Variants in C20orf203 observed in about 807,000 individuals in gnomAD.
C20orf203 encodes chromosome 20 open reading frame 203.
Under a neutral mutation model 15.9 loss-of-function variants are expected in C20orf203, and 16 were observed. That is an observed-to-expected ratio of 1.01 (90% CI 0.68 to 1.53). C20orf203 has a LOEUF of 1.53. C20orf203 is among the 40% of genes most tolerant of loss of function. C20orf203 has a pLI of 0.00. For missense variants in C20orf203, 263 were observed against 247.5 expected (o/e 1.06, Z -0.42); for synonymous variants, 98 against 97.2 (o/e 1.01, Z -0.05).
At chr20:32,634,427 C>G (rs1342755635) in intron 5 of C20orf203, among the ~76,000 whole-genome samples, 157 bp from the exon 6 acceptor site, 1 of 152,238 alleles carries the variant, frequency 6.6e-6, no homozygotes, top group African/African-American at 2.4e-5. Context: ...GGTGTGGACG[C>G]GTGGCTCTAG....
intron 1 of C20orf203, among the ~76,000 whole-genome samples, chr20:32,653,320 T>C (rs996231214): frequency 1.3e-5 from 2 of 152,136 alleles, no homozygotes; most frequent in Admixed American, 6.5e-5. Context: ...CCAATGCTTT[T>C]TTTTAGGGGG....
intron 1 of C20orf203, among the ~76,000 whole-genome samples, chr20:32,654,705 G>A (rs1272412425): frequency 6.6e-6 from 1 of 152,156 alleles, no homozygotes; most frequent in African/African-American, 2.4e-5. Flanking sequence ...TTAGCTGGGT[G>A]TGGTGGCATG....
intron 1 of C20orf203, among the ~76,000 whole-genome samples, chr20:32,667,696 A>G (rs1983067477): frequency 6.6e-6 from 1 of 152,172 alleles, no homozygotes; most frequent in Non-Finnish European, 1.5e-5. Flanking sequence ...TTTTAGACAG[A>G]GTCTTGCTCT....
chr20:32,670,480 C>G (rs577583005), intron 1 of C20orf203, among the ~76,000 whole-genome samples: 1 of 151,816 alleles, frequency 6.6e-6, no homozygotes. Flanking sequence ...GCACTCCAGC[C>G]TGGGTGACAG....
chr20:32,639,230 C>G (rs568152453), intron 5 of C20orf203, among the ~76,000 whole-genome samples: 2 of 152,374 alleles, frequency 1.3e-5, no homozygotes, highest in South Asian at 4.1e-4. Context: ...TGAAAACAAT[C>G]CTTGCTCTTT....
At chr20:32,653,686 T>C (rs1160039629) in intron 1 of C20orf203, among the ~76,000 whole-genome samples, 1 of 152,184 alleles carries the variant, frequency 6.6e-6, no homozygotes, top group Non-Finnish European at 1.5e-5. Flanking sequence ...CAAAGTTGAA[T>C]TCACGACTTG....
intron 1 of C20orf203, among the ~76,000 whole-genome samples, chr20:32,667,135 G>A (rs1983056282): frequency 6.6e-6 from 1 of 152,108 alleles, no homozygotes; most frequent in Admixed American, 6.6e-5. Flanking sequence ...ACTGGCTGGG[G>A]CTGCACTGGG....
At chr20:32,656,953 G>A (rs572092283) in intron 1 of C20orf203, 1 of 152,166 alleles carries the variant, frequency 6.6e-6, no homozygotes, top group African/African-American at 2.4e-5. Context: ...GCTGATGAAT[G>A]GATAAATGAA....
intron 5 of C20orf203, among the ~76,000 whole-genome samples, chr20:32,638,139 TG>T (rs1172452995): frequency 6.6e-6 from 1 of 152,046 alleles, no homozygotes; most frequent in Non-Finnish European, 1.5e-5. Context: ...ACCTGGCATT[TG>T]GGGGTGGGTT....
chr20:32,634,755 A>G (rs1442157378), intron 5 of C20orf203, among the ~76,000 whole-genome samples: 4 of 152,184 alleles, frequency 2.6e-5, no homozygotes, highest in Admixed American at 2.6e-4. Context: ...AACTGTAGGT[A>G]AAAGACAGCA....
At chr20:32,665,324 CACCTGACAGGGAGCAGGT>C (rs1982992334) in intron 1 of C20orf203, among the ~76,000 whole-genome samples, 1 of 152,258 alleles carries the variant, frequency 6.6e-6, no homozygotes. Context: ...CTCCTCCAGA[CACCTGACAGGGAGCAGGT>C]GGCCTTTTTG....
At position 32,650,861 on chromosome 20, in the gene C20orf203, T is replaced by C; in HGVS notation, c.156A>G (p.Gly52=). The part of the protein sequence containing the change: ...MLSRATSVLA[G]LTAHLWDLGG... ...CAAGGTCCCAGAGGTGGGCAGTGAGTCCAGCCAAGACTGATGTGGCCTGTT... is the reference window on the plus strand; with the variant it reads ...CAAGGTCCCAGAGGTGGGCAGTGAGCCCAGCCAAGACTGATGTGGCCTGTT... Residue 52 remains glycine (G), a synonymous_variant, in exon 4 of 6, where the codon GGA becomes GGG. Coordinates refer to ENST00000608990, the MANE Select transcript of C20orf203 (RefSeq NM_182584.4). The C allele has an allele frequency of 6.9e-7, 1 of 1,459,794 alleles. No individual in the cohort carries two copies. The highest frequency in any genetic ancestry group is 9.1e-7 in the Non-Finnish European group (1 of 1,103,992). 90.4% of individuals were successfully genotyped at this position (1,459,794 alleles called of 1,614,324 possible).
chr20:32,660,374 C>G (rs11697988), intron 1 of C20orf203, among the ~76,000 whole-genome samples: 43,723 of 152,088 alleles, frequency 0.29, 6,834 homozygotes, highest in Middle Eastern at 0.37. Context: ...GCCTCCTCAG[C>G]CAGTCCAGGC....
chr20:32,635,388 A>G (rs950296743), intron 5 of C20orf203, among the ~76,000 whole-genome samples: 5 of 151,900 alleles, frequency 3.3e-5, no homozygotes, highest in Non-Finnish European at 7.4e-5. Context: ...AATCCCAGCT[A>G]CTCGGGAGGC....
At chr20:32,643,142 C>A (rs1301625241) in intron 4 of C20orf203, among the ~76,000 whole-genome samples, 1 of 152,148 alleles carries the variant, frequency 6.6e-6, no homozygotes, top group African/African-American at 2.4e-5. Context: ...GAGGCAGCTC[C>A]AAGAACCTGT....
At position 32,633,067 on chromosome 20, in the gene C20orf203, C is replaced by T. The variant is rs1305941017; in HGVS notation, c.*2503G>A. ...GAGAACAGCATGGGGGAAACTGCCA[C>T]CATTATTCAATTATCTCTACTTGGT... On this transcript the variant is annotated 3_prime_UTR_variant, in exon 6 of 6. Coordinates refer to ENST00000608990, the MANE Select transcript of C20orf203 (RefSeq NM_182584.4). The T allele has an allele frequency of 1.3e-5, 2 of 152,058 alleles. No homozygotes were observed. Among genetic ancestry groups the T allele is most frequent in the Admixed American group, 1.3e-4 (2 of 15,260 alleles). 9.4% of individuals were successfully genotyped at this position (152,058 alleles called of 1,614,324 possible). A position where few individuals can be genotyped will look rare whatever the true frequency, so the allele number is the denominator to read the frequency against.
Position 32,671,030 on chromosome 20 carries a change from C to A in C20orf203, c.-264+2602G>T, listed in dbSNP as rs1190880752. Among the ~76,000 whole-genome samples, 63 of 135,376 alleles carry A rather than the reference C, an allele frequency of 4.7e-4. 1 individual carries two copies. In the South Asian group the frequency reaches 0.014, roughly 30 times the overall value. The allele number at this position is 135,376 out of a possible 152,430, so 88.8% of individuals were successfully genotyped here. ...CCATTATTTAAAAAAAAAAAAAAAA[C>A]AACAGTGTTGGCAAGGATGTGGAGA... On this transcript the variant is annotated intron_variant, in intron 1 of 5. Coordinates refer to ENST00000608990, the MANE Select transcript of C20orf203 (RefSeq NM_182584.4).
At chr20:32,664,910 G>C (rs545108146) in intron 1 of C20orf203, among the ~76,000 whole-genome samples, 27 of 152,366 alleles carry the variant, frequency 1.8e-4, no homozygotes, top group African/African-American at 5.5e-4. Context: ...GAGCAGAGCT[G>C]AGTGATCGGC....
intron 1 of C20orf203, among the ~76,000 whole-genome samples, chr20:32,666,422 G>A (rs1004956107): frequency 2.0e-5 from 3 of 150,838 alleles, no homozygotes; most frequent in Non-Finnish European, 3.0e-5. Context: ...AGCCAAGATC[G>A]TGCCACTGCA....
Sources: gnomAD v4.1 joint callset for allele counts (sites outside exome capture counted in the v4.1 genomes callset) on GRCh38, gnomAD v4.1.1 for gene constraint, MANE v1.5 for transcripts, NCBI Gene and HGNC (gene_info 2026-07-23, HGNC 2026-07-21) for gene names.